Variants in PCDHA2 observed in about 807,000 individuals in gnomAD.
PCDHA2 encodes the protein protocadherin alpha-2.
Under a neutral mutation model 66.0 loss-of-function variants are expected in PCDHA2, and 58 were observed. That is an observed-to-expected ratio of 0.88 (90% CI 0.71 to 1.09). The LOEUF (loss-of-function observed/expected upper bound fraction) is 1.09, where lower values mean the gene tolerates loss of function less well. PCDHA2 is among the 50% of genes least tolerant of loss of function. The probability of loss-of-function intolerance (pLI) is 0.00; values close to 1 mark genes in which losing one functional copy is unlikely to be tolerated. For missense variants in PCDHA2, 1,267 were observed against 1,242.3 expected (o/e 1.02, Z -0.30); for synonymous variants, 634 against 554.0 (o/e 1.14, Z -2.03).
At chr5:140,926,979 G>A (rs782354889) in intron 1 of PCDHA2, 1 of 1,610,590 alleles carries the variant, frequency 6.2e-7, no homozygotes. Flanking sequence ...TGCCGGAGGA[G>A]ACGGAGCGGG....
chr5:140,939,787 C>G (rs1486449192), intron 1 of PCDHA2, among the ~76,000 whole-genome samples: 2 of 152,180 alleles, frequency 1.3e-5, no homozygotes, highest in African/African-American at 2.4e-5. Flanking sequence ...TGGTCAATTT[C>G]TATAAATGTT....
rs1250461159 is a variant in PCDHA2 at position 140,856,238 on chromosome 5, C to A, written c.2388+58886C>A. 4 of 1,597,820 alleles carry A rather than the reference C, an allele frequency of 2.5e-6. 1 individual carries two copies. Among genetic ancestry groups the A allele is most frequent in the African/African-American group, 1.3e-5 (1 of 74,234 alleles). On this transcript the variant is annotated intron_variant, in intron 1 of 3. Coordinates refer to ENST00000526136, the MANE Select transcript of PCDHA2 (RefSeq NM_018905.3). ...GGCGGAGCTGGTGCAGCGCCTGTTC[C>A]GGGTGGCGTCCAAAAGACACGGGGA... is the stretch of plus-strand genomic sequence containing the variant.
At chr5:140,842,956 G>A in intron 1 of PCDHA2, 1 of 1,594,910 alleles carries the variant, frequency 6.3e-7, no homozygotes, top group Non-Finnish European at 8.6e-7. Flanking sequence ...TGCCGCCTCT[G>A]GGCAGCAACG....
At position 140,855,615 on chromosome 5, in the gene PCDHA2, G is replaced by A. The variant is rs533931974; in HGVS notation, c.2388+58263G>A. On this transcript the variant is annotated intron_variant, in intron 1 of 3. Coordinates refer to ENST00000526136, the MANE Select transcript of PCDHA2 (RefSeq NM_018905.3). ...ACTCAGTAGTATGCAAATATTAAGG[G>A]CATTTTGAAATTCGGCTATTGATAA... Among the ~76,000 whole-genome samples, 21 of 149,700 alleles carry A rather than the reference G, an allele frequency of 1.4e-4. 1 individual carries two copies. Among genetic ancestry groups the A allele is most frequent in the African/African-American group, 5.1e-4 (21 of 40,910 alleles).
chr5:140,828,073 A>G, intron 1 of PCDHA2: 1 of 1,567,184 alleles, frequency 6.4e-7, no homozygotes, highest in East Asian at 2.2e-5. Context: ...TAATGGAAAT[A>G]AAACCAGAGG....
rs2150226438 is a variant in PCDHA2, at chr5:140,834,780, T to A, written c.2388+37428T>A. ...GGACATTAACGACAACCCTCCGGTGTTCCCAGCGACACAAAGGAATCTGTT... is the reference window on the plus strand; with the variant it reads ...GGACATTAACGACAACCCTCCGGTGATCCCAGCGACACAAAGGAATCTGTT... On this transcript the variant is annotated intron_variant, in intron 1 of 3. Coordinates refer to ENST00000526136, the MANE Select transcript of PCDHA2 (RefSeq NM_018905.3). 3.1e-6 allele frequency: 5 copies of A among 1,613,846 alleles called. No homozygotes were observed. The South Asian group carries it at 3.3e-5, about 11-fold the overall frequency.
chr5:140,927,417 G>T (rs74597681), intron 1 of PCDHA2: 1 of 1,614,100 alleles, frequency 6.2e-7, no homozygotes, highest in Non-Finnish European at 8.5e-7. Flanking sequence ...ACATGGGATC[G>T]CGGGTTGACG....
At chr5:140,822,972 C>T (rs149152981) in intron 1 of PCDHA2, 333 of 1,614,132 alleles carry the variant, frequency 2.1e-4, no homozygotes, top group Non-Finnish European at 2.6e-4. Context: ...TGGTGTCCAC[C>T]TTCAAGAATT....
intron 1 of PCDHA2, among the ~76,000 whole-genome samples, chr5:140,973,587 C>T (rs2096594455): frequency 6.6e-6 from 1 of 152,194 alleles, no homozygotes; most frequent in African/African-American, 2.4e-5. Flanking sequence ...ACTGCTGAGC[C>T]AGATGGAATT....
At chr5:140,824,615 T>G (rs1028534118) in intron 1 of PCDHA2, 1 of 126,010 alleles carries the variant, frequency 7.9e-6, no homozygotes, top group African/African-American at 3.7e-5. Flanking sequence ...TTAAAGTTTT[T>G]TTTTTTTTTT....
At chr5:140,974,815 A>G (rs990559310) in intron 1 of PCDHA2, among the ~76,000 whole-genome samples, 3 of 152,188 alleles carry the variant, frequency 2.0e-5, no homozygotes, top group Non-Finnish European at 4.4e-5. Context: ...GAAGACCAAT[A>G]TGCAACATAA....
intron 1 of PCDHA2, chr5:140,863,175 C>T (rs1562576204): frequency 1.4e-6 from 1 of 718,568 alleles, no homozygotes; most frequent in South Asian, 1.3e-5. Context: ...CGCTGACTGC[C>T]ACCGTCACCG....
chr5:140,801,291 C>CACT (rs1762674432), intron 1 of PCDHA2: 2 of 1,613,422 alleles, frequency 1.2e-6, no homozygotes, highest in Non-Finnish European at 1.7e-6. Flanking sequence ...CGGCCAGCTC[C>CACT]ACTACTCCGT....
At chr5:140,862,809 G>A in intron 1 of PCDHA2, 1 of 572,722 alleles carries the variant, frequency 1.7e-6, no homozygotes, top group Non-Finnish European at 3.4e-6. Context: ...AGCTGCTGCA[G>A]TTCTAGGTGA....
In PCDHA2 at chr5:140,795,384, C is replaced by G. The variant is rs144974749; in HGVS notation, c.420C>G (p.Ile140Met). The change falls in exon 1 of 4, where the codon ATC becomes ATG. Residue 140 changes from isoleucine to methionine, a missense_variant. Physicochemically the swap from Ile to Met is conservative, Grantham distance 10. Coordinates refer to ENST00000526136, the MANE Select transcript of PCDHA2 (RefSeq NM_018905.3). ...TATTTCCAATGACAGTAAAGACTAT[C>G]CGGTTTCCCGAATCAAGGCTGCTTG... is the stretch of plus-strand genomic sequence containing the variant. The part of the protein sequence containing the change: ...PPIFPMTVKT[I>M]RFPESRLLDS... 3,877 of 1,614,140 alleles carry G rather than the reference C, an allele frequency of 2.4e-3. 12 individuals are homozygous for G. The highest frequency in any genetic ancestry group is 0.014 in the Middle Eastern group (84 of 6,062).
At chr5:140,954,498 G>T (rs2095045375) in intron 1 of PCDHA2, among the ~76,000 whole-genome samples, 1 of 152,156 alleles carries the variant, frequency 6.6e-6, no homozygotes, top group Non-Finnish European at 1.5e-5. Context: ...TTGTGGTTTT[G>T]ATTTGCATTT....
intron 1 of PCDHA2, chr5:140,808,708 C>T (rs1212194365): frequency 1.9e-6 from 3 of 1,612,140 alleles, no homozygotes; most frequent in Non-Finnish European, 2.5e-6. Flanking sequence ...TGTCGAGCTA[C>T]GTTTCGGTGC....
chr5:140,876,653 C>T (rs781890773), intron 1 of PCDHA2: 8 of 1,614,082 alleles, frequency 5.0e-6, no homozygotes, highest in Non-Finnish European at 6.8e-6. Context: ...CCTCATGTTC[C>T]CTTCAAGCTG....
intron 3 of PCDHA2, among the ~76,000 whole-genome samples, chr5:140,991,982 A>ACCAC (rs2097483325): frequency 6.6e-6 from 1 of 151,494 alleles, no homozygotes; most frequent in African/African-American, 2.4e-5. Context: ...TATTCTGCCT[A>ACCAC]CCACCCGGTC....
Sources: allele counts gnomAD v4.1 joint callset (sites outside exome capture counted in the v4.1 genomes callset), GRCh38; gene constraint gnomAD v4.1.1; transcripts MANE v1.5; gene names NCBI Gene and HGNC (gene_info 2026-07-23, HGNC 2026-07-21).